Variants in DNAH9 observed in about 807,000 individuals in gnomAD.
The protein encoded by DNAH9 is DNAH9 variant protein.
In DNAH9, 345 loss-of-function variants were observed where a neutral mutation model predicts 471.6. That is an observed-to-expected ratio of 0.73 (90% confidence interval 0.67 to 0.80). The LOEUF (loss-of-function observed/expected upper bound fraction) is 0.80, where lower values mean the gene tolerates loss of function less well. Ranked by LOEUF, DNAH9 falls within the 30% of genes least tolerant of loss-of-function variation. The probability of loss-of-function intolerance (pLI) is 0.00; values close to 1 mark genes in which losing one functional copy is unlikely to be tolerated. For synonymous variants in DNAH9, 2,093 were observed against 2,123.6 expected (o/e 0.99, Z 0.40); for missense variants, 5,407 against 5,609.2 (o/e 0.96, Z 1.15).
chr17:11,776,425 A>G (rs1968436808), intron 38 of DNAH9, among the ~76,000 whole-genome samples: 1 of 151,952 alleles, frequency 6.6e-6, no homozygotes, highest in Non-Finnish European at 1.5e-5. Context: ...CAGGAACTTT[A>G]TAAACTTATG....
At chr17:11,784,623 C>A (rs1467916880) in intron 41 of DNAH9, 84 bp downstream of exon 41, 1 of 1,578,984 alleles carries the variant, frequency 6.3e-7, no homozygotes. Flanking sequence ...GTAGCTAATG[C>A]CCAGCTCATA....
chr17:11,644,385 T>C (rs2073338534), intron 10 of DNAH9, among the ~76,000 whole-genome samples: 1 of 152,062 alleles, frequency 6.6e-6, no homozygotes, highest in South Asian at 2.1e-4. Context: ...AGGGTGCTGG[T>C]GGAGCTGCGG....
intron 68 of DNAH9, among the ~76,000 whole-genome samples, chr17:11,967,973 C>CA (rs1250627475): frequency 3.3e-5 from 5 of 152,072 alleles, no homozygotes; most frequent in Non-Finnish European, 7.4e-5. Flanking sequence ...CCAAAATATA[C>CA]AAAACAGAAA....
intron 27 of DNAH9, among the ~76,000 whole-genome samples, chr17:11,722,600 C>A (rs1012899049): frequency 1.3e-5 from 2 of 152,114 alleles, no homozygotes; most frequent in Non-Finnish European, 2.9e-5. Flanking sequence ...TGTGGTCAAG[C>A]GCCCTTGCTA....
intron 41 of DNAH9, among the ~76,000 whole-genome samples, chr17:11,788,540 A>G (rs1369285327): frequency 6.6e-6 from 1 of 152,194 alleles, no homozygotes; most frequent in East Asian, 1.9e-4. Flanking sequence ...TCAGCCCTAC[A>G]TATTGTCTAA....
At chr17:11,929,731 C>G (rs1018958920) in intron 62 of DNAH9, 135 bp from the exon 63 acceptor site, 5 of 707,966 alleles carry the variant, frequency 7.1e-6, no homozygotes, top group Non-Finnish European at 1.2e-5. Flanking sequence ...TTTTCTGTTA[C>G]GTCTTACCAC....
chr17:11,793,476 A>T, intron 41 of DNAH9, 27 bp from the exon 42 acceptor site: 1 of 1,595,798 alleles, frequency 6.3e-7, no homozygotes, highest in Non-Finnish European at 8.5e-7. Context: ...TATTAACGTT[A>T]TTTTTTTGTG....
rs1257680711 is a variant in DNAH9, at chr17:11,719,390, G to A, written c.5609G>A (p.Gly1870Glu). The change falls in exon 27 of 69, where the codon GGA (glycine) becomes GAA (glutamate). Residue 1870 changes from glycine to glutamate, a missense_variant. Gly to Glu is a moderately conservative substitution (Grantham distance 98). This residue lies in a region of DNAH9 where 4,636 missense variants were observed against 4,900.3 expected (regional missense o/e 0.95). Transcript: ENST00000262442. ...CTGACCATGAGTGGGGCTCCCGCAG[G>A]ACCTGCAGGCACAGGCAAGACCGAG... is the stretch of plus-strand genomic sequence containing the variant. The part of the protein sequence containing the change: ...LHLTMSGAPA[G>E]PAGTGKTETT... 1.9e-6 allele frequency: 3 copies of A among 1,614,054 alleles called. No individual in the cohort carries two copies. The highest frequency in any genetic ancestry group is 8.5e-7 in the Non-Finnish European group (1 of 1,180,008).
intron 19 of DNAH9, among the ~76,000 whole-genome samples, chr17:11,685,529 A>T (rs1007542126): frequency 2.0e-5 from 3 of 152,154 alleles, no homozygotes; most frequent in Non-Finnish European, 2.9e-5. Flanking sequence ...GCTCAATGGG[A>T]GAGTGGTTCC....
At chr17:11,891,262 T>A (rs574751228) in intron 57 of DNAH9, among the ~76,000 whole-genome samples, 1 of 152,242 alleles carries the variant, frequency 6.6e-6, no homozygotes, top group African/African-American at 2.4e-5. Context: ...CTTATAGCTA[T>A]GTAATAATTC....
At chr17:11,653,130 T>G in intron 14 of DNAH9, 128 bp downstream of exon 14, 4 of 1,000,142 alleles carry the variant, frequency 4.0e-6, no homozygotes, top group Non-Finnish European at 5.9e-6. Flanking sequence ...GATAGAAGTT[T>G]AGGCTGATAG....
rs1184505159 is a variant in DNAH9, at chr17:11,962,692, G to A, written c.13233+436G>A. ...GTCAGCTATCTCTGCTGCTGCTGCTGTGTGTCTGTCGCCCAGGCTGGAGTA... is the reference window on the plus strand; with the variant it reads ...GTCAGCTATCTCTGCTGCTGCTGCTATGTGTCTGTCGCCCAGGCTGGAGTA... On this transcript the variant is annotated intron_variant, in intron 68 of 68. Coordinates refer to ENST00000262442, the MANE Select transcript of DNAH9 (RefSeq NM_001372.4). The surrounding 1 kb of genome is among the most constrained non-coding windows in gnomAD (Gnocchi z 4.1). Among the ~76,000 whole-genome samples the A allele has an allele frequency of 2.0e-5, 3 of 152,164 alleles. No homozygotes were observed. Among genetic ancestry groups the A allele is most frequent in the African/African-American group, 7.2e-5 (3 of 41,444 alleles).
At chr17:11,605,980 AAATT>A (rs368329502) in intron 1 of DNAH9, among the ~76,000 whole-genome samples, 148 of 147,136 alleles carry the variant, frequency 1.0e-3, no homozygotes, top group African/African-American at 3.3e-3. Flanking sequence ...GACTATATAA[AAATT>A]AAATAAGATA....
intron 43 of DNAH9, among the ~76,000 whole-genome samples, chr17:11,805,912 T>C (rs1206880405): frequency 6.6e-6 from 1 of 152,008 alleles, no homozygotes; most frequent in Non-Finnish European, 1.5e-5. Context: ...TCTTGAACCC[T>C]CTCCAGATGG....
At chr17:11,948,749 C>T (rs1975243326) in intron 67 of DNAH9, among the ~76,000 whole-genome samples, 1 of 152,188 alleles carries the variant, frequency 6.6e-6, no homozygotes. Flanking sequence ...TTATCACTTT[C>T]ACTTCTTCCC....
At chr17:11,949,918 TTG>T (rs1975300037) in intron 67 of DNAH9, among the ~76,000 whole-genome samples, 2 of 152,330 alleles carry the variant, frequency 1.3e-5, no homozygotes, top group East Asian at 3.8e-4. Flanking sequence ...TGTAAAATTA[TTG>T]TCAGAATACA....
At chr17:11,662,998 G>T (rs546960584) in intron 14 of DNAH9, among the ~76,000 whole-genome samples, 2 of 151,456 alleles carry the variant, frequency 1.3e-5, no homozygotes, top group African/African-American at 4.9e-5. Flanking sequence ...CTCGTGATCC[G>T]CCCGCCTCGG....
intron 4 of DNAH9, 65 bp downstream of exon 4, chr17:11,611,845 C>CCT: frequency 2.6e-6 from 4 of 1,532,082 alleles, no homozygotes; most frequent in Non-Finnish European, 3.6e-6. Context: ...GATGCATTCA[C>CCT]CTCTCTCTGT....
intron 65 of DNAH9, among the ~76,000 whole-genome samples, chr17:11,935,860 A>G (rs1567561892): frequency 6.6e-6 from 1 of 152,184 alleles, no homozygotes; most frequent in Non-Finnish European, 1.5e-5. Context: ...AATTGGACCT[A>G]TAAGAGGAGA....
Sources: gnomAD v4.1 joint callset for allele counts (sites outside exome capture counted in the v4.1 genomes callset) on GRCh38, gnomAD v4.1.1 for gene constraint, gnomAD v4.1.1 regional missense constraint, Gnocchi (gnomAD v3.1) non-coding constraint, MANE v1.5 for transcripts, NCBI Gene and HGNC (gene_info 2026-07-23, HGNC 2026-07-21) for gene names.